Variants in ENTREP2 observed in about 807,000 individuals in gnomAD.
ENTREP2 encodes the protein endosomal transmembrane epsin interactor 2.
chr15:29,158,998 TA>T, the ENTREP2 span, among the ~76,000 whole-genome samples: 1,395 of 152,296 alleles, frequency 9.2e-3, 19 homozygotes, highest in African/African-American at 0.031. Flanking sequence ...TACATACATA[TA>T]GCCTACACGT....
chr15:29,433,721 C>T, the ENTREP2 span, among the ~76,000 whole-genome samples: 1 of 150,536 alleles, frequency 6.6e-6, no homozygotes, highest in Non-Finnish European at 1.5e-5. Flanking sequence ...TTCTCTGCTA[C>T]TGGCTGTCCC....
the ENTREP2 span, among the ~76,000 whole-genome samples, chr15:29,196,853 A>G: frequency 6.6e-6 from 1 of 151,588 alleles, no homozygotes; most frequent in Non-Finnish European, 1.5e-5. Context: ...ATAAAGGTAA[A>G]TAGATTGAAA....
chr15:29,227,609 A>G, the ENTREP2 span, among the ~76,000 whole-genome samples: 59,983 of 151,880 alleles, frequency 0.39, 12,127 homozygotes, highest in East Asian at 0.6. Context: ...TCCTGCTGTC[A>G]TGAGGCTAAA....
the ENTREP2 span, among the ~76,000 whole-genome samples, chr15:29,320,575 C>G: frequency 4.6e-5 from 7 of 152,076 alleles, no homozygotes; most frequent in African/African-American, 1.7e-4. Flanking sequence ...TTTGGAAGGA[C>G]TAAATGGGGT....
chr15:29,273,950 T>A, the ENTREP2 span, among the ~76,000 whole-genome samples: 1 of 152,234 alleles, frequency 6.6e-6, no homozygotes, highest in Non-Finnish European at 1.5e-5. Flanking sequence ...AGCTTGCAGA[T>A]GGCCTATTGT....
the ENTREP2 span, among the ~76,000 whole-genome samples, chr15:29,272,589 A>G: frequency 0.43 from 65,366 of 152,034 alleles, 16,854 homozygotes; most frequent in African/African-American, 0.73. Flanking sequence ...CCAACAGGCT[A>G]GGAAGACAAC....
chr15:29,647,650 C>T, the ENTREP2 span, among the ~76,000 whole-genome samples: 285 of 152,180 alleles, frequency 1.9e-3, 2 homozygotes, highest in African/African-American at 6.4e-3. Context: ...CTCAGAGACA[C>T]CTTATATTCC....
the ENTREP2 span, among the ~76,000 whole-genome samples, chr15:29,443,426 G>A: frequency 1.2e-4 from 19 of 152,246 alleles, no homozygotes; most frequent in African/African-American, 3.9e-4. Flanking sequence ...CCTTGGGGAT[G>A]AGTACATTAG....
chr15:29,287,917 C>T, the ENTREP2 span, among the ~76,000 whole-genome samples: 1 of 152,134 alleles, frequency 6.6e-6, no homozygotes, highest in African/African-American at 2.4e-5. Flanking sequence ...CCAACAAGAT[C>T]GAACAGAGAA....
the ENTREP2 span, among the ~76,000 whole-genome samples, chr15:29,171,561 TA>T: frequency 6.6e-6 from 1 of 152,136 alleles, no homozygotes; most frequent in South Asian, 2.1e-4. Context: ...TATTTTTTTT[TA>T]AGGTATAGTT....
At chr15:29,188,952 C>T in the ENTREP2 span, among the ~76,000 whole-genome samples, 2 of 152,248 alleles carry the variant, frequency 1.3e-5, no homozygotes, top group Admixed American at 1.3e-4. Flanking sequence ...TACCCTCGCT[C>T]CTCGGGGACA....
the ENTREP2 span, among the ~76,000 whole-genome samples, chr15:29,570,335 G>A: frequency 2.0e-5 from 3 of 151,848 alleles, no homozygotes; most frequent in African/African-American, 7.2e-5. Flanking sequence ...GCCGGGCCCT[G>A]GAGTTATTCT....
chr15:29,289,501 A>C, the ENTREP2 span, among the ~76,000 whole-genome samples: 1 of 152,132 alleles, frequency 6.6e-6, no homozygotes, highest in African/African-American at 2.4e-5. Context: ...ATTATCTACT[A>C]AAGTTGAACC....
the ENTREP2 span, among the ~76,000 whole-genome samples, chr15:29,649,091 C>CACACACA: frequency 1.3e-5 from 2 of 150,160 alleles, no homozygotes; most frequent in Non-Finnish European, 3.0e-5. Context: ...CACACACACA[C>CACACACA]AGCTATTATG....
chr15:29,565,345 A>G, the ENTREP2 span, among the ~76,000 whole-genome samples: 1 of 152,104 alleles, frequency 6.6e-6, no homozygotes, highest in Non-Finnish European at 1.5e-5. Context: ...CAAAACTCCC[A>G]ATTTGAATAC....
the ENTREP2 span, chr15:29,374,653 C>T: frequency 6.6e-6 from 1 of 151,944 alleles, no homozygotes; most frequent in Non-Finnish European, 1.5e-5. Context: ...AAAATTACTA[C>T]TATTTCTTCA....
the ENTREP2 span, among the ~76,000 whole-genome samples, chr15:29,585,917 C>A: frequency 1.3e-5 from 2 of 150,676 alleles, no homozygotes; most frequent in Admixed American, 6.6e-5. Flanking sequence ...GGCAATTTCT[C>A]AACATGTTAA....
At chr15:29,362,436 G>A in the ENTREP2 span, among the ~76,000 whole-genome samples, 7 of 142,350 alleles carry the variant, frequency 4.9e-5, no homozygotes, top group South Asian at 4.6e-4. Flanking sequence ...ATGCAGTGGC[G>A]CGATCTCGGC....
chr15:29,461,720 G>A, the ENTREP2 span, among the ~76,000 whole-genome samples: 4 of 152,050 alleles, frequency 2.6e-5, no homozygotes, highest in African/African-American at 7.2e-5. Flanking sequence ...TGATCCACCC[G>A]CTTCGGCCTC....
Sources: gnomAD v4.1 joint callset for allele counts (sites outside exome capture counted in the v4.1 genomes callset) on GRCh38, gnomAD v4.1.1 for gene constraint, MANE v1.5 for transcripts, NCBI Gene and HGNC (gene_info 2026-07-23, HGNC 2026-07-21) for gene names.